Variants in PTPRG observed in about 807,000 individuals in gnomAD.
The protein encoded by PTPRG is receptor-type tyrosine-protein phosphatase gamma.
Under a neutral mutation model 165.3 loss-of-function variants are expected in PTPRG, and 102 were observed. That is an observed-to-expected ratio of 0.62 (90% confidence interval 0.53 to 0.73). The LOEUF (loss-of-function observed/expected upper bound fraction) is 0.73. Among genes scored for constraint, PTPRG ranks in the 30% least tolerant of loss-of-function variants. PTPRG has a pLI of 0.00. For synonymous variants in PTPRG, 675 were observed against 669.5 expected (o/e 1.01, Z -0.13); for missense variants, 1,866 against 1,861.4 (o/e 1.00, Z -0.05).
intron 1 of PTPRG, among the ~76,000 whole-genome samples, chr3:61,607,855 A>C (rs933321598): frequency 6.6e-6 from 1 of 152,148 alleles, no homozygotes; most frequent in Admixed American, 6.6e-5. Context: ...TGGACTGTGG[A>C]GAACTGGACG....
At chr3:62,090,462 C>G (rs891842756) in intron 5 of PTPRG, among the ~76,000 whole-genome samples, 1 of 152,154 alleles carries the variant, frequency 6.6e-6, no homozygotes, top group Non-Finnish European at 1.5e-5. Flanking sequence ...AGGGTCATAT[C>G]TGAACTTAGT....
rs577058630 is a variant in PTPRG, at chr3:61,838,481, G to A, written c.190+89499G>A. Among the ~76,000 whole-genome samples, 5 of 152,276 alleles carry A rather than the reference G, an allele frequency of 3.3e-5. No individual in the cohort carries two copies. In the South Asian group the frequency reaches 1.0e-3, roughly 32 times the overall value. Reference sequence around the variant, plus strand: ...TTTTTCATGTGTGTGAATGGACAGAGTGCCCACAATGTGATATTTTGGCCC... The same window carrying A: ...TTTTTCATGTGTGTGAATGGACAGAATGCCCACAATGTGATATTTTGGCCC... On this transcript the variant is annotated intron_variant, in intron 2 of 29. Transcript: ENST00000474889.
chr3:62,077,462 A>T (rs1257202523), intron 4 of PTPRG, among the ~76,000 whole-genome samples: 5 of 152,028 alleles, frequency 3.3e-5, no homozygotes, highest in African/African-American at 1.2e-4. Context: ...AATTTTTTTT[A>T]CAGGGCTTGT....
intron 2 of PTPRG, among the ~76,000 whole-genome samples, chr3:61,974,526 C>CA (rs759841934): frequency 1.3e-5 from 2 of 151,894 alleles, no homozygotes; most frequent in Non-Finnish European, 2.9e-5. Flanking sequence ...GCACTACAGC[C>CA]TGGGCAACAA....
intron 2 of PTPRG, among the ~76,000 whole-genome samples, chr3:61,985,008 C>T (rs967484346): frequency 1.3e-5 from 2 of 152,222 alleles, no homozygotes; most frequent in African/African-American, 4.8e-5. Context: ...CACTTCCTGT[C>T]AGATGTCCAA....
At chr3:62,040,437 T>A (rs1439464515) in intron 4 of PTPRG, among the ~76,000 whole-genome samples, 1 of 152,188 alleles carries the variant, frequency 6.6e-6, no homozygotes, top group Non-Finnish European at 1.5e-5. Flanking sequence ...TCAAAGAGTT[T>A]ATTCGAAGTT....
At chr3:62,258,328 A>T (rs1271748293) in intron 16 of PTPRG, among the ~76,000 whole-genome samples, 3 of 152,238 alleles carry the variant, frequency 2.0e-5, no homozygotes, top group African/African-American at 7.2e-5. Context: ...TTCTCTGGAC[A>T]TAATATAAGA....
chr3:61,927,444 C>G (rs567395537), intron 2 of PTPRG, among the ~76,000 whole-genome samples: 9 of 152,292 alleles, frequency 5.9e-5, no homozygotes, highest in Admixed American at 5.2e-4. Context: ...GAGATGGTCC[C>G]TGCCAGTTGG....
chr3:62,191,118 CAT>C (rs915766794), intron 8 of PTPRG, among the ~76,000 whole-genome samples: 14 of 151,204 alleles, frequency 9.3e-5, no homozygotes, highest in South Asian at 8.4e-4. Context: ...GCCCCATGCA[CAT>C]GTGTGCGTGT....
chr3:61,955,729 A>C (rs1407796246), intron 2 of PTPRG, among the ~76,000 whole-genome samples: 3 of 152,176 alleles, frequency 2.0e-5, no homozygotes, highest in Non-Finnish European at 4.4e-5. Context: ...AGGGAGTTAA[A>C]GATTTATATT....
intron 4 of PTPRG, among the ~76,000 whole-genome samples, chr3:62,071,003 T>C (rs1701192741): frequency 6.6e-6 from 1 of 152,210 alleles, no homozygotes; most frequent in Admixed American, 6.5e-5. Context: ...TGCTGCCTCC[T>C]ATGTGATTTT....
chr3:61,840,097 C>T (rs147429925), intron 2 of PTPRG, among the ~76,000 whole-genome samples: 1 of 152,238 alleles, frequency 6.6e-6, no homozygotes, highest in African/African-American at 2.4e-5. Flanking sequence ...TGTGTGCCTG[C>T]ATTTTCCCCT....
intron 2 of PTPRG, among the ~76,000 whole-genome samples, chr3:61,799,278 T>C (rs1575672820): frequency 6.6e-6 from 1 of 151,946 alleles, no homozygotes; most frequent in African/African-American, 2.4e-5. Context: ...TTAATACATT[T>C]TGATTAAAGT....
intron 6 of PTPRG, among the ~76,000 whole-genome samples, chr3:62,145,762 A>G (rs1704098180): frequency 6.6e-6 from 1 of 152,182 alleles, no homozygotes; most frequent in South Asian, 2.1e-4. Context: ...CGTTGAGGTA[A>G]GAATTCTTAA....
intron 2 of PTPRG, among the ~76,000 whole-genome samples, chr3:61,929,116 CA>C (rs2039297394): frequency 6.6e-6 from 1 of 152,168 alleles, no homozygotes; most frequent in African/African-American, 2.4e-5. Flanking sequence ...AATAAATACC[CA>C]GCCCTGAGGT....
intron 1 of PTPRG, among the ~76,000 whole-genome samples, chr3:61,665,469 TACACACACAC>T (rs10662394): frequency 1.3e-4 from 19 of 144,026 alleles, no homozygotes; most frequent in East Asian, 6.2e-4. Context: ...TGTAAATAAA[TACACACACAC>T]ACACACACAC....
chr3:61,672,846 G>A (rs1553647657), intron 1 of PTPRG, among the ~76,000 whole-genome samples: 1 of 149,926 alleles, frequency 6.7e-6, no homozygotes, highest in Non-Finnish European at 1.5e-5. Context: ...GGCTCTTAAG[G>A]GTCCATCATG....
intron 1 of PTPRG, among the ~76,000 whole-genome samples, chr3:61,591,274 C>T (rs7610774): frequency 0.04 from 6,138 of 152,282 alleles, 428 homozygotes; most frequent in African/African-American, 0.14. Context: ...TAGCCCTCCC[C>T]TTCTTATGGT....
intron 2 of PTPRG, among the ~76,000 whole-genome samples, chr3:61,832,689 T>A (rs776259742): frequency 4.5e-4 from 69 of 152,114 alleles, no homozygotes; most frequent in Non-Finnish European, 6.9e-4. Context: ...CTTACTTTTT[T>A]AAAAAAAATA....
Sources: gnomAD v4.1 joint callset for allele counts (sites outside exome capture counted in the v4.1 genomes callset) on GRCh38, gnomAD v4.1.1 for gene constraint, MANE v1.5 for transcripts, NCBI Gene and HGNC (gene_info 2026-07-23, HGNC 2026-07-21) for gene names.